ARSF: variants seen among roughly 807,000 people sequenced by gnomAD.
ARSF encodes the protein arylsulfatase F.
Under a neutral mutation model 35.4 loss-of-function variants are expected in ARSF, and 33 were observed. The ratio of observed to expected loss-of-function variants is 0.93; its 90% CI spans 0.71 to 1.25. The LOEUF is 1.25. ARSF is among the 50% of genes most tolerant of loss of function. The probability of loss-of-function intolerance (pLI) is 0.00; values close to 1 mark genes in which losing one functional copy is unlikely to be tolerated. For synonymous variants in ARSF, 222 were observed against 193.1 expected (o/e 1.15, Z -1.24); for missense variants, 501 against 480.2 (o/e 1.04, Z -0.40).
At chrX:3,083,959 G>A (rs754221932) in intron 5 of ARSF, among the ~76,000 whole-genome samples, 31 of 111,503 alleles carry the variant, frequency 2.8e-4, no homozygotes, top group Non-Finnish European at 2.3e-4. Context: ...TCTAGTTCAC[G>A]TCATTGACAG....
At chrX:3,095,134 C>T (rs895421117) in intron 7 of ARSF, among the ~76,000 whole-genome samples, 1 of 108,129 alleles carries the variant, frequency 9.2e-6, no homozygotes, top group Non-Finnish European at 1.9e-5. Context: ...GGTGACAGAG[C>T]AAAATCCTGT....
At chrX:3,040,866 C>A (rs2089952414), upstream of ARSF, among the ~76,000 whole-genome samples, 1 of 111,420 alleles carries the variant, frequency 9.0e-6, no homozygotes, top group Admixed American at 9.6e-5. Context: ...GGTAGAAAGA[C>A]TCAGTGGTGA....
At chrX:3,106,492 A>C (rs188036718) in intron 9 of ARSF, among the ~76,000 whole-genome samples, 1 of 111,772 alleles carries the variant, frequency 8.9e-6, no homozygotes, top group Non-Finnish European at 1.9e-5. Context: ...CACCAGCATC[A>C]TGAGGGCCTG....
intron 9 of ARSF, among the ~76,000 whole-genome samples, chrX:3,104,501 G>A (rs893956902): frequency 1.3e-4 from 15 of 112,059 alleles, no homozygotes; most frequent in Admixed American, 4.7e-4. Flanking sequence ...TCTATAGCTT[G>A]GCTATTGTGA....
chrX:3,050,776 G>A (rs1309147449), intron 1 of ARSF, among the ~76,000 whole-genome samples: 1 of 110,688 alleles, frequency 9.0e-6, no homozygotes, highest in Non-Finnish European at 1.9e-5. Flanking sequence ...GGGAGCATGC[G>A]CAGTGTGTTT....
intron 7 of ARSF, among the ~76,000 whole-genome samples, chrX:3,090,727 T>C (rs2090283099): frequency 2.7e-5 from 3 of 112,039 alleles, no homozygotes; most frequent in Non-Finnish European, 5.6e-5. Context: ...TTGCATAGGA[T>C]AATGTCCACC....
At chrX:3,075,644 C>T (rs949952721) in intron 3 of ARSF, among the ~76,000 whole-genome samples, 3 of 108,274 alleles carry the variant, frequency 2.8e-5, no homozygotes, top group African/African-American at 1.0e-4. Flanking sequence ...CTCTCTCCCT[C>T]TCTCTGTCCT....
In ARSF at chrX:3,112,665, G is replaced by A; in HGVS notation, c.*109G>A. ...TGGTGCTTTCAAGTTGGCAAGGAGT[G>A]CATTTAATAGTCAATAAATTCATCT... On this transcript the variant is annotated 3_prime_UTR_variant, in exon 11 of 11. Transcript: ENST00000381127. The A allele has an allele frequency of 1.0e-6, 1 of 997,468 alleles. No individual in the cohort carries two copies. Among genetic ancestry groups the A allele is most frequent in the Admixed American group, 4.1e-5 (1 of 24,315 alleles). The allele number at this position is 997,468 out of a possible 1,213,427, so 82.2% of individuals were successfully genotyped here.
intron 5 of ARSF, among the ~76,000 whole-genome samples, chrX:3,082,125 A>G (rs139374348): frequency 0.035 from 3,885 of 111,198 alleles, 57 homozygotes; most frequent in Middle Eastern, 0.061. Flanking sequence ...GCAGCCTCTG[A>G]GGGTTTGCTG....
intron 2 of ARSF, 150 bp from the exon 3 acceptor site, chrX:3,071,876 C>T (rs968302181): frequency 3.6e-5 from 19 of 534,219 alleles, no homozygotes; most frequent in Admixed American, 1.1e-4. Context: ...CAGCAGTGCT[C>T]GGTGCTTGGA....
chrX:3,072,874 T>C (rs1218835247), intron 3 of ARSF, among the ~76,000 whole-genome samples: 1 of 103,499 alleles, frequency 9.7e-6, no homozygotes, highest in African/African-American at 3.4e-5. Flanking sequence ...ATTATGAATA[T>C]ATGAACATAC....
At chrX:3,073,317 A>G (rs1180037984) in intron 3 of ARSF, among the ~76,000 whole-genome samples, 2 of 101,238 alleles carry the variant, frequency 2.0e-5, no homozygotes, top group Non-Finnish European at 3.9e-5. Context: ...TAAGTTCTTT[A>G]CACACATAAA....
rs1569137989 is a variant in ARSF at position 3,076,667 on chromosome X, C to A, written c.281C>A (p.Ser94Ter). Residue 94 changes from serine to a stop codon, truncating the protein, a stop_gained and splice_region_variant, in exon 4 of 11, where the codon TCA (serine) becomes TAA (stop). Coordinates refer to ENST00000381127, the MANE Select transcript of ARSF (RefSeq NM_001201539.2). LOFTEE classifies it high-confidence loss of function. ...AFLTGRYPIR[S>*]GMVSSGNRRV... ...TTGACGGGAAGATACCCCATCCGAT[C>A]AGGTGCGCAAACTGGCGGGCTCTGC... 1 of 1,208,914 alleles carries A rather than the reference C, an allele frequency of 8.3e-7. No homozygotes were observed. Among genetic ancestry groups the A allele is most frequent in the Non-Finnish European group, 1.1e-6 (1 of 894,772 alleles).
intron 2 of ARSF, among the ~76,000 whole-genome samples, chrX:3,068,888 A>G (rs73439677): frequency 0.029 from 3,237 of 112,445 alleles, 38 homozygotes; most frequent in Middle Eastern, 0.069. Context: ...AGATGTTTGC[A>G]TACAGCAAAA....
intron 8 of ARSF, among the ~76,000 whole-genome samples, chrX:3,102,331 C>T (rs759697129): frequency 8.9e-6 from 1 of 111,971 alleles, no homozygotes; most frequent in East Asian, 2.8e-4. Flanking sequence ...ATTCTTATGC[C>T]TTTGCATTCT....
intron 1 of ARSF, among the ~76,000 whole-genome samples, chrX:3,057,680 T>G (rs977117426): frequency 8.9e-6 from 1 of 112,069 alleles, no homozygotes; most frequent in African/African-American, 3.2e-5. Context: ...TTATATTTCC[T>G]GGCCAGATGC....
chrX:3,061,153 T>C (rs1203906339), intron 1 of ARSF, among the ~76,000 whole-genome samples: 2 of 111,675 alleles, frequency 1.8e-5, no homozygotes, highest in Non-Finnish European at 3.8e-5. Context: ...ATGTTCAACA[T>C]TCTTAAAGAA....
intron 9 of ARSF, among the ~76,000 whole-genome samples, chrX:3,109,790 T>C (rs2090432504): frequency 8.9e-6 from 1 of 112,460 alleles, no homozygotes; most frequent in Admixed American, 9.4e-5. Context: ...AGGGTAGCAA[T>C]ATAATTGCAA....
intron 2 of ARSF, among the ~76,000 whole-genome samples, chrX:3,070,043 C>T (rs1454567026): frequency 4.5e-5 from 5 of 111,615 alleles, no homozygotes; most frequent in Non-Finnish European, 7.5e-5. Flanking sequence ...AACATCTCCC[C>T]AACCCCTCCA....
Sources: gnomAD v4.1 joint callset for allele counts (sites outside exome capture counted in the v4.1 genomes callset) on GRCh38, gnomAD v4.1.1 for gene constraint, MANE v1.5 for transcripts, NCBI Gene and HGNC (gene_info 2026-07-23, HGNC 2026-07-21) for gene names.